MSRA: variants seen among roughly 807,000 people sequenced by gnomAD.
MSRA encodes mitochondrial peptide methionine sulfoxide reductase.
Under a neutral mutation model 31.3 loss-of-function variants are expected in MSRA, and 54 were observed. That is an observed-to-expected ratio of 1.73 (90% CI 1.39 to 2.17). The LOEUF (loss-of-function observed/expected upper bound fraction) is 2.17. Among genes scored for constraint, MSRA ranks in the 30% most tolerant of loss-of-function variants. The probability of loss-of-function intolerance (pLI) is 0.00; values close to 1 mark genes in which losing one functional copy is unlikely to be tolerated. For missense variants in MSRA, 507 were observed against 300.9 expected, an observed-to-expected ratio of 1.69 and a Z score of -5.07; for synonymous variants, 169 against 116.5, an observed-to-expected ratio of 1.45 and a Z score of -2.90.
At chr8:10,382,594 C>T (rs916633786) in intron 5 of MSRA, among the ~76,000 whole-genome samples, 1 of 152,176 alleles carries the variant, frequency 6.6e-6, no homozygotes, top group Non-Finnish European at 1.5e-5. Context: ...GAGGGCTTTG[C>T]CAAGGCATCT....
chr8:10,068,828 T>G (rs1028803101), intron 1 of MSRA, among the ~76,000 whole-genome samples: 2 of 152,226 alleles, frequency 1.3e-5, no homozygotes, highest in African/African-American at 4.8e-5. Flanking sequence ...TTGCTGGGAT[T>G]TTGATTGCAA....
At chr8:10,221,876 G>C (rs1210093413) in intron 2 of MSRA, among the ~76,000 whole-genome samples, 1 of 152,120 alleles carries the variant, frequency 6.6e-6, no homozygotes, top group Non-Finnish European at 1.5e-5. Context: ...AGGAATGCAA[G>C]TACAAAGGCC....
intron 1 of MSRA, among the ~76,000 whole-genome samples, chr8:10,061,697 C>T (rs1336049106): frequency 3.3e-5 from 5 of 152,110 alleles, no homozygotes; most frequent in African/African-American, 4.8e-5. Flanking sequence ...GTCATCTTTT[C>T]GTGTGACCAT....
At chr8:10,217,708 AT>A (rs1203092799) in intron 2 of MSRA, among the ~76,000 whole-genome samples, 1 of 152,156 alleles carries the variant, frequency 6.6e-6, no homozygotes, top group Non-Finnish European at 1.5e-5. Flanking sequence ...CAACTCATCC[AT>A]GAATATTTTG....
intron 1 of MSRA, among the ~76,000 whole-genome samples, chr8:10,110,851 C>G (rs190577537): frequency 6.6e-6 from 1 of 152,302 alleles, no homozygotes; most frequent in East Asian, 1.9e-4. Context: ...GGCAGCCTTT[C>G]ACATATTTCA....
chr8:10,265,228 C>T (rs116807756), intron 3 of MSRA, among the ~76,000 whole-genome samples: 2 of 152,138 alleles, frequency 1.3e-5, no homozygotes, highest in African/African-American at 4.8e-5. Flanking sequence ...GGTCATATAC[C>T]ACGTGATGGG....
intron 2 of MSRA, among the ~76,000 whole-genome samples, chr8:10,237,087 C>G (rs1812008212): frequency 6.6e-6 from 1 of 152,198 alleles, no homozygotes; most frequent in Non-Finnish European, 1.5e-5. Context: ...CTAAAATCAC[C>G]TGTTAAGTAA....
At chr8:10,308,266 A>T (rs980997365) in intron 4 of MSRA, among the ~76,000 whole-genome samples, 1 of 152,194 alleles carries the variant, frequency 6.6e-6, no homozygotes. Flanking sequence ...ATGAACTCCC[A>T]GTTACCCTTC....
chr8:10,191,892 C>T (rs1042819641), intron 1 of MSRA, among the ~76,000 whole-genome samples: 12 of 152,078 alleles, frequency 7.9e-5, no homozygotes, highest in Non-Finnish European at 1.5e-4. Flanking sequence ...TTTAAAACAA[C>T]ACTCATTTAC....
intron 1 of MSRA, among the ~76,000 whole-genome samples, chr8:10,111,302 A>G: frequency 6.6e-6 from 1 of 152,232 alleles, no homozygotes; most frequent in East Asian, 1.9e-4. Context: ...GTGAACATAA[A>G]TCATTCCATT....
chr8:10,290,872 T>C (rs1332847837), intron 3 of MSRA, among the ~76,000 whole-genome samples: 1 of 152,198 alleles, frequency 6.6e-6, no homozygotes, highest in Non-Finnish European at 1.5e-5. Context: ...CTTGACAGAT[T>C]GGTTTTGCCC....
At chr8:10,287,936 C>A (rs1013231442) in intron 3 of MSRA, among the ~76,000 whole-genome samples, 1 of 152,160 alleles carries the variant, frequency 6.6e-6, no homozygotes, top group Non-Finnish European at 1.5e-5. Context: ...TCTCTGCCCT[C>A]CTAGACTGTG....
chr8:10,200,982 G>T (rs575124151), intron 1 of MSRA, among the ~76,000 whole-genome samples: 2 of 152,136 alleles, frequency 1.3e-5, no homozygotes, highest in Non-Finnish European at 2.9e-5. Flanking sequence ...CTAGTCTGAG[G>T]CCAGGGCTTG....
intron 5 of MSRA, among the ~76,000 whole-genome samples, chr8:10,367,400 G>T (rs577044193): frequency 3.9e-5 from 6 of 152,118 alleles, no homozygotes; most frequent in Non-Finnish European, 8.8e-5. Flanking sequence ...GTATGTATAC[G>T]AAAAAATATA....
chr8:10,076,552 C>T (rs1309315305), intron 1 of MSRA, among the ~76,000 whole-genome samples: 9 of 152,292 alleles, frequency 5.9e-5, no homozygotes, highest in East Asian at 1.9e-4. Flanking sequence ...TGTGCATTTA[C>T]GCAGCTTCCA....
chr8:10,414,171 G>GA lies in MSRA; in HGVS notation c.544-13967dup, dbSNP rs1033782578. ...GGCAGAATGAGACTCTGTCTATGAA[G>GA]AAAAAAAAAACGAATTTTATGTGAA... On this transcript the variant is annotated intron_variant, in intron 5 of 5. Coordinates refer to ENST00000317173, the MANE Select transcript of MSRA (RefSeq NM_012331.5). 9.7e-4 allele frequency among the ~76,000 whole-genome samples: 141 copies of GA among 145,648 alleles called. 1 individual carries two copies. The highest frequency in any genetic ancestry group is 2.2e-3 in the African/African-American group (87 of 39,718).
intron 3 of MSRA, among the ~76,000 whole-genome samples, chr8:10,289,268 C>A (rs1398434613): frequency 6.6e-6 from 1 of 152,098 alleles, no homozygotes; most frequent in African/African-American, 2.4e-5. Context: ...CCACCTCGGT[C>A]TCCCAGAGTG....
chr8:10,203,629 TGTATA>T (rs377741642), intron 1 of MSRA, among the ~76,000 whole-genome samples: 4 of 152,376 alleles, frequency 2.6e-5, no homozygotes, highest in East Asian at 1.9e-4. Context: ...CATTCGATAA[TGTATA>T]GTACATAATA....
chr8:10,087,274 C>T (rs1393688362), intron 1 of MSRA, among the ~76,000 whole-genome samples: 3 of 152,118 alleles, frequency 2.0e-5, no homozygotes, highest in Non-Finnish European at 2.9e-5. Flanking sequence ...AGGTTGTTTC[C>T]TTCCTGTGTC....
Sources: allele counts gnomAD v4.1 joint callset (sites outside exome capture counted in the v4.1 genomes callset), GRCh38; gene constraint gnomAD v4.1.1; transcripts MANE v1.5; gene names NCBI Gene and HGNC (gene_info 2026-07-23, HGNC 2026-07-21).